TRIM41: variants seen among roughly 807,000 people sequenced by gnomAD.
TRIM41 encodes the protein tripartite motif containing 41.
A neutral mutation model predicts 60.6 loss-of-function variants in TRIM41; 21 were observed. The ratio of observed to expected loss-of-function variants is 0.35; its 90% confidence interval spans 0.25 to 0.50. The LOEUF (loss-of-function observed/expected upper bound fraction) is 0.50. Ranked by LOEUF, TRIM41 falls within the 20% of genes least tolerant of loss-of-function variation. TRIM41 has a pLI of 0.98. For synonymous variants in TRIM41, 407 were observed against 344.9 expected, an observed-to-expected ratio of 1.18 and a Z score of -2.00; for missense variants, 846 against 868.3, an observed-to-expected ratio of 0.97 and a Z score of 0.32.
rs769403687 is a variant in TRIM41, at chr5:181,235,325, C to A, written c.*550C>A. ...CTGGGGAGGAGGGATTCTAAACTTT[C>A]CTTCCGTCCTCAATTTCTACCTCCA... is the stretch of plus-strand genomic sequence containing the variant. On this transcript the variant is annotated 3_prime_UTR_variant, in exon 6 of 6. Coordinates refer to ENST00000315073, the MANE Select transcript of TRIM41 (RefSeq NM_033549.5). 3.7e-6 allele frequency: 6 copies of A among 1,614,200 alleles called. 1 individual carries two copies. The South Asian group carries it at 6.6e-5, about 18-fold the overall frequency.
In TRIM41 at chr5:181,232,754, CAG is replaced by C. The variant is rs1758860325; in HGVS notation, c.1011_1012del (p.Glu337AspfsTer3). On this transcript the variant is annotated frameshift_variant, in exon 3 of 6. Coordinates refer to ENST00000315073, the MANE Select transcript of TRIM41 (RefSeq NM_033549.5). LOFTEE classifies it high-confidence loss of function. ...AGCAGGCAGGGCTGGAACGGCGTCT[CAG>C]AGAGATGCATGAAGCCCAGCTGGGG... ...EEQAGLERRL[R>X]EMHEAQLGRA... is the part of the protein sequence containing the mutation. The C allele has an allele frequency of 6.2e-7, 1 of 1,613,626 alleles. No individual in the cohort carries two copies. The highest frequency in any genetic ancestry group is 1.1e-5 in the South Asian group (1 of 91,060).
In TRIM41 at chr5:181,233,160, G is replaced by GA; in HGVS notation, c.1141-248dup. 1 of 712,882 alleles carries GA rather than the reference G, an allele frequency of 1.4e-6. No individual in the cohort carries two copies. The highest frequency in any genetic ancestry group is 2.5e-6 in the Non-Finnish European group (1 of 393,398). The allele number at this position is 712,882 out of a possible 1,614,324, so 44.2% of individuals were successfully genotyped here. A position where few individuals can be genotyped will look rare whatever the true frequency, so the allele number is the denominator to read the frequency against. On this transcript the variant is annotated intron_variant, in intron 3 of 5. Transcript: ENST00000315073. The surrounding 1 kb of genome is among the most constrained non-coding windows in gnomAD (Gnocchi z 4.1). ...AAAGTCTTTTTGACAGTGACATCCT[G>GA]AAAAAGGTGAGCAAGTCGTATTGTG...
chr5:181,230,120 C>T (rs1293525064), intron 1 of TRIM41: 1 of 152,154 alleles, frequency 6.6e-6, no homozygotes, highest in Non-Finnish European at 1.5e-5. Flanking sequence ...TGGAAAGACT[C>T]TGGTGCGGGG....
In TRIM41 at chr5:181,233,536, G is replaced by A. The variant is rs1325022934; in HGVS notation, c.1164-100G>A. On this transcript the variant is annotated intron_variant, in intron 4 of 5. Transcript: ENST00000315073. This position sits in a 1 kb window ranked among gnomAD's most constrained non-coding sequence, Gnocchi z 4.1. Reference sequence around the variant, plus strand: ...TCCTCTCCTTCCTTCCCCAGGACCTGAGTTTCCATCTCCTGGACCCTCCTC... The same window carrying A: ...TCCTCTCCTTCCTTCCCCAGGACCTAAGTTTCCATCTCCTGGACCCTCCTC... 2 of 1,611,210 alleles carry A rather than the reference G, an allele frequency of 1.2e-6. No homozygotes were observed. Among genetic ancestry groups the A allele is most frequent in the African/African-American group, 2.7e-5 (2 of 74,738 alleles).
chr5:181,230,603 A>G, intron 1 of TRIM41, 141 bp from the exon 2 acceptor site: 2 of 541,344 alleles, frequency 3.7e-6, no homozygotes, highest in East Asian at 7.0e-5. Flanking sequence ...AAGTGGAGGA[A>G]GGTATAATAC....
chr5:181,225,603 T>C (rs1040266562), intron 1 of TRIM41: 1 of 152,346 alleles, frequency 6.6e-6, no homozygotes, highest in Non-Finnish European at 1.5e-5. Context: ...TTAAGTACCA[T>C]ACAGAGGGCC....
chr5:181,229,648 A>C (rs1468035568), intron 1 of TRIM41: 4 of 152,340 alleles, frequency 2.6e-5, no homozygotes, highest in African/African-American at 4.8e-5. Flanking sequence ...GAGCAGAAAG[A>C]AGCAAAGAAG....
Position 181,233,476 on chromosome 5 carries a change from T to C in TRIM41, c.1163+41T>C. The C allele has an allele frequency of 3.1e-6, 5 of 1,614,138 alleles. No individual in the cohort carries two copies. Among genetic ancestry groups the C allele is most frequent in the Non-Finnish European group, 4.2e-6 (5 of 1,180,000 alleles). On this transcript the variant is annotated intron_variant, in intron 4 of 5. Coordinates refer to ENST00000315073, the MANE Select transcript of TRIM41 (RefSeq NM_033549.5). The surrounding 1 kb of genome is among the most constrained non-coding windows in gnomAD (Gnocchi z 4.1). The stretch of plus-strand genomic sequence containing the variant: ...TTGCCCTTCGTGACCCAGTGGCATC[T>C]GGTTCCCTGTCCCTGCTTCTCTTCG...
rs760062239 is a variant in TRIM41, at chr5:181,234,817, G to GGGTGGGT, written c.*48_*54dup. The GGGTGGGT allele has an allele frequency of 6.2e-7, 1 of 1,606,620 alleles. No homozygotes were observed. The highest frequency in any genetic ancestry group is 8.5e-7 in the Non-Finnish European group (1 of 1,176,136). On this transcript the variant is annotated 3_prime_UTR_variant, in exon 6 of 6. Coordinates refer to ENST00000315073, the MANE Select transcript of TRIM41 (RefSeq NM_033549.5). This position sits in a 1 kb window ranked among gnomAD's most constrained non-coding sequence, Gnocchi z 5.6. Reference sequence around the variant, plus strand: ...AGGGGCCCCTCTGTCAGCACTTGGGGGGTGGGTGGTGGAGGGTGGCCCGTA... The same window carrying GGGTGGGT: ...AGGGGCCCCTCTGTCAGCACTTGGGGGGTGGGTGGTGGGTGGTGGAGGGTGGCCCGTA...
Position 181,235,427 on chromosome 5 carries a change from CATCATTACATT to C in TRIM41, c.*654_*664del. 6.2e-7 allele frequency: 1 copy of C among 1,613,284 alleles called. No individual in the cohort carries two copies. Among genetic ancestry groups the C allele is most frequent in the Non-Finnish European group, 8.5e-7 (1 of 1,179,324 alleles). ...TGATTGAAACCACGCACCATTACAT[CATCATTACATT>C]AATTACATCAACATAAATTATTTCT... On this transcript the variant is annotated 3_prime_UTR_variant, in exon 6 of 6. Coordinates refer to ENST00000315073, the MANE Select transcript of TRIM41 (RefSeq NM_033549.5).
In TRIM41 at chr5:181,235,642, G is replaced by A. The variant is rs1394535167; in HGVS notation, c.*867G>A. 33 of 532,366 alleles carry A rather than the reference G, an allele frequency of 6.2e-5. No individual in the cohort carries two copies. The highest frequency in any genetic ancestry group is 2.8e-4 in the South Asian group (11 of 39,002). 33.0% of individuals were successfully genotyped at this position (532,366 alleles called of 1,614,324 possible). On this transcript the variant is annotated 3_prime_UTR_variant, in exon 6 of 6. Transcript: ENST00000315073. ...AAGCTCTGAGGGGGAGCCTGGGGAC[G>A]GGTTTGGGTCCCCAGGAGGAGAGCC...
At chr5:181,225,454 A>G (rs960490021) in intron 1 of TRIM41, 1 of 157,796 alleles carries the variant, frequency 6.3e-6, no homozygotes, top group African/African-American at 2.4e-5. Context: ...GATAGTTAAT[A>G]TTCACTGGAC....
rs761742973 is a variant in TRIM41, at chr5:181,224,303, G to C, written c.304G>C (p.Glu102Gln). 1 of 1,614,200 alleles carries C rather than the reference G, an allele frequency of 6.2e-7. No individual in the cohort carries two copies. Among genetic ancestry groups the C allele is most frequent in the Non-Finnish European group, 8.5e-7 (1 of 1,180,040 alleles). ...TGACATGGAGGAGGAGGTCGAGGAGGAAGAAGAGGGTGTGTTCTGGACCAG... is the reference window on the plus strand; with the variant it reads ...TGACATGGAGGAGGAGGTCGAGGAGCAAGAAGAGGGTGTGTTCTGGACCAG... Reference protein sequence around the residue: ...EGDMEEEVEEEEEGVFWTSGM... With the variant: ...EGDMEEEVEEQEEGVFWTSGM... The change falls in exon 1 of 6, where the codon GAA becomes CAA. Residue 102 changes from glutamate to glutamine, a missense_variant. Coordinates refer to ENST00000315073, the MANE Select transcript of TRIM41 (RefSeq NM_033549.5).
chr5:181,223,925 C>G lies in TRIM41; in HGVS notation c.-75C>G. ...CAGGGCTGGGGGTGGAGCCGGGTCGCCAGGGCGTCGGTAGGGAAGACCCCC... is the reference window on the plus strand; with the variant it reads ...CAGGGCTGGGGGTGGAGCCGGGTCGGCAGGGCGTCGGTAGGGAAGACCCCC... On this transcript the variant is annotated 5_prime_UTR_variant, in exon 1 of 6. Transcript: ENST00000315073. 6.7e-7 allele frequency: 1 copy of G among 1,495,174 alleles called. No homozygotes were observed. Among genetic ancestry groups the G allele is most frequent in the Non-Finnish European group, 9.0e-7 (1 of 1,111,312 alleles). 92.6% of individuals were successfully genotyped at this position (1,495,174 alleles called of 1,614,324 possible). A position where few individuals can be genotyped will look rare whatever the true frequency, so the allele number is the denominator to read the frequency against.
At chr5:181,228,648 T>G (rs941145850) in intron 1 of TRIM41, 2 of 150,762 alleles carry the variant, frequency 1.3e-5, no homozygotes, top group African/African-American at 4.9e-5. Flanking sequence ...TGTCAGCAAT[T>G]TAGGGTCCCG....
intron 1 of TRIM41, chr5:181,226,789 T>G (rs1651796503): frequency 6.6e-6 from 1 of 152,206 alleles, no homozygotes. Flanking sequence ...TAGCCAAATT[T>G]GTTCAATGCC....
intron 2 of TRIM41, chr5:181,232,066 TA>T (rs1298884433): frequency 6.6e-6 from 1 of 152,280 alleles, no homozygotes; most frequent in Non-Finnish European, 1.5e-5. Context: ...GTGACTTTCT[TA>T]AGGTCACTGT....
At position 181,223,932 on chromosome 5, in the gene TRIM41, G is replaced by A; in HGVS notation, c.-68G>A. The A allele has an allele frequency of 7.3e-6, 11 of 1,512,806 alleles. No individual in the cohort carries two copies. Among genetic ancestry groups the A allele is most frequent in the South Asian group, 1.3e-5 (1 of 79,748 alleles). 93.7% of individuals were successfully genotyped at this position (1,512,806 alleles called of 1,614,324 possible). ...GGGGGTGGAGCCGGGTCGCCAGGGCGTCGGTAGGGAAGACCCCCGCCCCTC... is the reference window on the plus strand; with the variant it reads ...GGGGGTGGAGCCGGGTCGCCAGGGCATCGGTAGGGAAGACCCCCGCCCCTC... On this transcript the variant is annotated 5_prime_UTR_variant, in exon 1 of 6. Transcript: ENST00000315073.
Position 181,223,346 on chromosome 5 carries a change from C to T in TRIM41, c.-654C>T. 2.5e-6 allele frequency: 1 copy of T among 399,868 alleles called. No homozygotes were observed. The highest frequency in any genetic ancestry group is 4.4e-6 in the Non-Finnish European group (1 of 226,954). The allele number at this position is 399,868 out of a possible 1,614,324, so 24.8% of individuals were successfully genotyped here. ...CTGTGCCGGGAGGGTAGGATGGCGT[C>T]TGGCCGATGCGGTGATAGCACCGAA... On this transcript the variant is annotated 5_prime_UTR_variant, in exon 1 of 6. Coordinates refer to ENST00000315073, the MANE Select transcript of TRIM41 (RefSeq NM_033549.5).
Sources: gnomAD v4.1 joint callset for allele counts on GRCh38, gnomAD v4.1.1 for gene constraint, Gnocchi (gnomAD v3.1) non-coding constraint, MANE v1.5 for transcripts, NCBI Gene and HGNC (gene_info 2026-07-23, HGNC 2026-07-21) for gene names.